The following SLC2A9 variants were observed in gnomAD, a reference collection of about 807,000 sequenced individuals.
The protein encoded by SLC2A9 is solute carrier family 2, facilitated glucose transporter member 9.
SLC2A9 carries 39 observed loss-of-function variants against 50.6 expected under a neutral mutation model. The ratio of observed to expected loss-of-function variants is 0.77; its 90% CI spans 0.60 to 1.01. The LOEUF is 1.01. SLC2A9 is among the 50% of genes least tolerant of loss of function. The pLI is 0.00. For missense variants in SLC2A9, 686 were observed against 677.6 expected (o/e 1.01, Z -0.14); for synonymous variants, 324 against 276.9 (o/e 1.17, Z -1.69).
At chr4:9,925,366 C>G (rs1271661047) in intron 6 of SLC2A9, among the ~76,000 whole-genome samples, 2 of 152,190 alleles carry the variant, frequency 1.3e-5, no homozygotes, top group Admixed American at 6.5e-5. Context: ...TTGTCTGGGG[C>G]GTTCTGTCTG....
intron 3 of SLC2A9, among the ~76,000 whole-genome samples, chr4:9,815,905 C>T (rs1419159661): frequency 2.0e-5 from 3 of 152,186 alleles, no homozygotes; most frequent in Admixed American, 6.5e-5. Flanking sequence ...CACGGTAGTT[C>T]ACGCCTGTAA....
At chr4:9,983,220 G>A (rs190584655) in intron 4 of SLC2A9, among the ~76,000 whole-genome samples, 35 of 152,312 alleles carry the variant, frequency 2.3e-4, no homozygotes, top group African/African-American at 6.3e-4. Flanking sequence ...AAGTTGCCAC[G>A]CCAGGTGGGA....
At chr4:10,022,847 C>A (rs1056505343), upstream of SLC2A9, among the ~76,000 whole-genome samples, 6 of 152,210 alleles carry the variant, frequency 3.9e-5, no homozygotes, top group Non-Finnish European at 8.8e-5. Context: ...GGAATCAAGA[C>A]TTCCAAAGAG....
intron 10 of SLC2A9, chr4:9,879,053 C>T (rs1734760064): frequency 2.0e-6 from 2 of 985,090 alleles, no homozygotes; most frequent in Admixed American, 6.2e-5. Flanking sequence ...TGAGTGCTGA[C>T]CCACTGTCAG....
chr4:10,016,363 G>A (rs901048125), intron 2 of SLC2A9, among the ~76,000 whole-genome samples: 1 of 152,204 alleles, frequency 6.6e-6, no homozygotes, highest in South Asian at 2.1e-4. Flanking sequence ...TTCGTCATCT[G>A]TAAAATGGGG....
At chr4:9,895,764 A>G (rs991940317) in intron 8 of SLC2A9, among the ~76,000 whole-genome samples, 17 of 152,260 alleles carry the variant, frequency 1.1e-4, no homozygotes, top group Non-Finnish European at 2.4e-4. Context: ...ACAAATGTAT[A>G]TACCTTATAA....
At chr4:9,903,686 A>C (rs1298856496) in intron 8 of SLC2A9, among the ~76,000 whole-genome samples, 3 of 152,044 alleles carry the variant, frequency 2.0e-5, no homozygotes, top group Non-Finnish European at 4.4e-5. Context: ...AAAAATTGGA[A>C]AGTCTTTTTG....
At chr4:9,820,446 T>C (rs1333930979) in intron 3 of SLC2A9, among the ~76,000 whole-genome samples, 1 of 152,340 alleles carries the variant, frequency 6.6e-6, no homozygotes, top group Non-Finnish European at 1.5e-5. Context: ...TTCGTATACA[T>C]TTTAGAATAA....
rs1319449065 is a variant in SLC2A9, at chr4:10,019,039, G to C, written c.185C>G (p.Ala62Gly). The C allele has an allele frequency of 1.3e-6, 2 of 1,551,026 alleles. No homozygotes were observed. The highest frequency in any genetic ancestry group is 1.7e-6 in the Non-Finnish European group (2 of 1,146,960). ...GAGGAAGGAGGAGCCGAAGGCGCCC[G>C]CGAGGGAGGCCACGAGGAGCGAGCA... ...WSCSLLVASL[A>G]GAFGSSFLYG... The change falls in exon 2 of 12, where the codon GCG becomes GGG. Residue 62 changes from alanine to glycine, a missense_variant. By Grantham distance (60) the Ala-to-Gly change is moderately conservative. Transcript: ENST00000264784.
At chr4:9,904,380 A>C (rs1355126975) in intron 8 of SLC2A9, among the ~76,000 whole-genome samples, 1 of 152,104 alleles carries the variant, frequency 6.6e-6, no homozygotes, top group Non-Finnish European at 1.5e-5. Context: ...AAAGCTGGCA[A>C]TGGCGTCACT....
intron 10 of SLC2A9, among the ~76,000 whole-genome samples, chr4:9,846,845 T>C (rs1164904131): frequency 6.6e-6 from 1 of 152,126 alleles, no homozygotes; most frequent in Non-Finnish European, 1.5e-5. Flanking sequence ...ACCACTATCA[T>C]CAATTTCTAA....
intron 7 of SLC2A9, among the ~76,000 whole-genome samples, chr4:9,910,501 T>C: frequency 6.6e-6 from 1 of 152,232 alleles, no homozygotes; most frequent in East Asian, 1.9e-4. Flanking sequence ...TCACTGATTT[T>C]CAATGGCCAA....
At chr4:9,946,008 T>C (rs558173225) in intron 5 of SLC2A9, among the ~76,000 whole-genome samples, 2 of 152,308 alleles carry the variant, frequency 1.3e-5, no homozygotes, top group East Asian at 3.9e-4. Context: ...AACCGCATAT[T>C]ACTCGCCTGA....
At chr4:9,827,746 G>A (rs1386744472) in intron 11 of SLC2A9, among the ~76,000 whole-genome samples, 1 of 152,198 alleles carries the variant, frequency 6.6e-6, no homozygotes, top group African/African-American at 2.4e-5. Flanking sequence ...ACCTGGGGGT[G>A]CTTAGCTCTT....
chr4:9,951,191 G>A (rs996496959), intron 5 of SLC2A9, among the ~76,000 whole-genome samples: 1 of 152,168 alleles, frequency 6.6e-6, no homozygotes, highest in Non-Finnish European at 1.5e-5. Context: ...TTACAGCAAC[G>A]TGGATGGAAT....
intron 3 of SLC2A9, chr4:9,783,663 A>C: frequency 1.7e-6 from 1 of 602,408 alleles, no homozygotes; most frequent in South Asian, 2.3e-5. Flanking sequence ...AACTCAGTCA[A>C]ATGTACCCAG....
At chr4:9,968,728 T>C (rs976577485) in intron 5 of SLC2A9, among the ~76,000 whole-genome samples, 1 of 152,206 alleles carries the variant, frequency 6.6e-6, no homozygotes, top group Non-Finnish European at 1.5e-5. Context: ...AGGCTTCCCA[T>C]GAGGTGAACC....
chr4:9,841,347 C>T (rs562548522), intron 10 of SLC2A9, among the ~76,000 whole-genome samples: 8 of 152,220 alleles, frequency 5.3e-5, no homozygotes, highest in Non-Finnish European at 1.5e-5. Context: ...ATATTGTATG[C>T]TCTGGGAAAT....
chr4:9,952,092 G>C (rs1409616559), intron 5 of SLC2A9, among the ~76,000 whole-genome samples: 1 of 152,184 alleles, frequency 6.6e-6, no homozygotes, highest in African/African-American at 2.4e-5. Context: ...CTGATTGTGA[G>C]ATAACAGATA....
Sources: gnomAD v4.1 joint callset for allele counts (sites outside exome capture counted in the v4.1 genomes callset) on GRCh38, gnomAD v4.1.1 for gene constraint, MANE v1.5 for transcripts, NCBI Gene and HGNC (gene_info 2026-07-23, HGNC 2026-07-21) for gene names.